Variants in STXBP4 observed in about 807,000 individuals in gnomAD.
The protein encoded by STXBP4 is syntaxin-binding protein 4.
A neutral mutation model predicts 76.1 loss-of-function variants in STXBP4; 55 were observed. That is an observed-to-expected ratio of 0.72 (90% CI 0.58 to 0.91). The LOEUF (loss-of-function observed/expected upper bound fraction) is 0.91. Among genes scored for constraint, STXBP4 ranks in the 40% least tolerant of loss-of-function variants. STXBP4 has a pLI of 0.00. For missense variants in STXBP4, 618 were observed against 636.9 expected (o/e 0.97, Z 0.32); for synonymous variants, 201 against 220.2 (o/e 0.91, Z 0.77).
chr17:55,111,233 T>C (rs2079711085), intron 16 of STXBP4, among the ~76,000 whole-genome samples: 1 of 152,136 alleles, frequency 6.6e-6, no homozygotes, highest in Non-Finnish European at 1.5e-5. Context: ...CAATTACACT[T>C]AGAGTAAGAT....
At chr17:55,000,352 A>G in intron 6 of STXBP4, 1 of 670,600 alleles carries the variant, frequency 1.5e-6, no homozygotes. Context: ...AACATACTCA[A>G]TTACTAACTG....
chr17:55,119,636 T>C (rs916436956), intron 16 of STXBP4, among the ~76,000 whole-genome samples: 1 of 152,030 alleles, frequency 6.6e-6, no homozygotes, highest in Non-Finnish European at 1.5e-5. Context: ...AAAATGAATA[T>C]ATATTTATGT....
intron 16 of STXBP4, among the ~76,000 whole-genome samples, chr17:55,137,137 T>G (rs2080038215): frequency 6.6e-6 from 1 of 152,134 alleles, no homozygotes; most frequent in Non-Finnish European, 1.5e-5. Context: ...CAACTTGCAA[T>G]TGAAGAACAT....
intron 16 of STXBP4, among the ~76,000 whole-genome samples, chr17:55,134,570 G>A (rs1372022890): frequency 6.6e-6 from 1 of 152,078 alleles, no homozygotes; most frequent in Non-Finnish European, 1.5e-5. Flanking sequence ...TTAAAAGTAA[G>A]AAGTTGGGCT....
downstream of STXBP4, among the ~76,000 whole-genome samples, chr17:55,177,422 C>T (rs1013473405): frequency 6.6e-6 from 1 of 152,222 alleles, no homozygotes; most frequent in East Asian, 1.9e-4. Context: ...AGTGAAGGGA[C>T]GTGAACAGGC....
intron 8 of STXBP4, among the ~76,000 whole-genome samples, chr17:55,017,272 G>T (rs191326318): frequency 7.2e-5 from 11 of 151,916 alleles, no homozygotes; most frequent in African/African-American, 2.7e-4. Flanking sequence ...TCTCCTCTCT[G>T]TCTCTTTTCT....
chr17:55,139,406 A>G (rs943226441), intron 16 of STXBP4, among the ~76,000 whole-genome samples: 1 of 152,186 alleles, frequency 6.6e-6, no homozygotes, highest in African/African-American at 2.4e-5. Context: ...TCACATTAGA[A>G]TAACTTCCTA....
At chr17:55,058,265 A>G (rs1329605556) in intron 12 of STXBP4, among the ~76,000 whole-genome samples, 2 of 152,190 alleles carry the variant, frequency 1.3e-5, no homozygotes, top group African/African-American at 2.4e-5. Context: ...ATGAGATGGT[A>G]TCTCATTGTG....
intron 17 of STXBP4, among the ~76,000 whole-genome samples, chr17:55,146,612 G>C (rs146728442): frequency 0.014 from 2,064 of 152,250 alleles, 22 homozygotes; most frequent in Middle Eastern, 0.048. Flanking sequence ...AGCTACTCTG[G>C]AGGCTGAGGC....
intron 17 of STXBP4, among the ~76,000 whole-genome samples, chr17:55,146,726 GAA>G (rs34470146): frequency 1.1e-4 from 16 of 144,274 alleles, no homozygotes; most frequent in African/African-American, 3.0e-4. Flanking sequence ...CAAAAAAAAA[GAA>G]AAAAAAAAAA....
At chr17:55,094,165 G>GAAAAA (rs34886189) in intron 16 of STXBP4, among the ~76,000 whole-genome samples, 1 of 108,236 alleles carries the variant, frequency 9.2e-6, no homozygotes, top group African/African-American at 3.5e-5. Flanking sequence ...TGAGGGACAG[G>GAAAAA]AAAAAAAAAA....
chr17:55,103,429 T>A (rs2079590082), intron 16 of STXBP4, among the ~76,000 whole-genome samples: 1 of 152,168 alleles, frequency 6.6e-6, no homozygotes. Context: ...TTGTCAAAAA[T>A]CAGATGGTTG....
rs996392096 is a variant in STXBP4 at position 54,987,703 on chromosome 17, A to G, written c.47+1437A>G. On this transcript the variant is annotated intron_variant, in intron 3 of 17. Transcript: ENST00000376352. ...TATAAGTCATTTTCTATTTTTTGCCAGAGTATCTTTGGGATAGATTCCTAG... is the reference window on the plus strand; with the variant it reads ...TATAAGTCATTTTCTATTTTTTGCCGGAGTATCTTTGGGATAGATTCCTAG... 2.6e-5 allele frequency among the ~76,000 whole-genome samples: 4 copies of G among 152,340 alleles called. No homozygotes were observed. In the East Asian group the frequency reaches 7.7e-4, roughly 29 times the overall value.
At position 55,164,888 on chromosome 17, in the gene STXBP4, CACTT is replaced by C. The variant is rs2080368600; in HGVS notation, c.*4980_*4983del. Reference sequence around the variant, plus strand: ...TCTTGTATTCATTTACTCACTTACACACTTACCGAGAGCTACTAGAGGCCAGACA... The same window carrying C: ...TCTTGTATTCATTTACTCACTTACACACCGAGAGCTACTAGAGGCCAGACA... On this transcript the variant is annotated 3_prime_UTR_variant, in exon 18 of 18. Transcript: ENST00000376352. 1 of 152,336 alleles carries C rather than the reference CACTT, an allele frequency of 6.6e-6. No individual in the cohort carries two copies. The highest frequency in any genetic ancestry group is 6.5e-5 in the Admixed American group (1 of 15,280). The allele number at this position is 152,336 out of a possible 1,614,324, so 9.4% of individuals were successfully genotyped here.
In STXBP4 at chr17:55,163,275, C is replaced by T. The variant is rs1164108434; in HGVS notation, c.*3364C>T. The T allele has an allele frequency of 6.9e-6, 1 of 144,996 alleles. No homozygotes were observed. The allele number at this position is 144,996 out of a possible 1,614,324, so 9.0% of individuals were successfully genotyped here. A position where few individuals can be genotyped will look rare whatever the true frequency, so the allele number is the denominator to read the frequency against. On this transcript the variant is annotated 3_prime_UTR_variant, in exon 18 of 18. Coordinates refer to ENST00000376352, the MANE Select transcript of STXBP4 (RefSeq NM_178509.6). ...ACCTTCCTTCCACCAAGTCCAAGAACCTGAGATTTTTAATCATTAGGTTTT... is the reference window on the plus strand; with the variant it reads ...ACCTTCCTTCCACCAAGTCCAAGAATCTGAGATTTTTAATCATTAGGTTTT...
At chr17:55,111,856 T>C (rs2079722170) in intron 16 of STXBP4, among the ~76,000 whole-genome samples, 1 of 152,192 alleles carries the variant, frequency 6.6e-6, no homozygotes, top group Non-Finnish European at 1.5e-5. Flanking sequence ...ATGGTATTCC[T>C]TCAGACCTTC....
At chr17:55,031,011 G>A (rs1315479982) in intron 8 of STXBP4, 157 bp from the exon 9 acceptor site, 2 of 539,906 alleles carry the variant, frequency 3.7e-6, no homozygotes, top group Non-Finnish European at 6.6e-6. Flanking sequence ...TCTTCAATAG[G>A]CACTTAATCC....
intron 13 of STXBP4, among the ~76,000 whole-genome samples, chr17:55,076,774 T>C (rs547384434): frequency 5.9e-5 from 9 of 152,280 alleles, no homozygotes; most frequent in African/African-American, 2.2e-4. Context: ...TAATTCAGAT[T>C]GGATGTGTGC....
intron 16 of STXBP4, among the ~76,000 whole-genome samples, chr17:55,131,884 A>G (rs189255408): frequency 6.6e-6 from 1 of 152,142 alleles, no homozygotes; most frequent in African/African-American, 2.4e-5. Flanking sequence ...CACCTCAGCC[A>G]CCTGAGTGTC....
Sources: allele counts gnomAD v4.1 joint callset (sites outside exome capture counted in the v4.1 genomes callset), GRCh38; gene constraint gnomAD v4.1.1; transcripts MANE v1.5; gene names NCBI Gene and HGNC (gene_info 2026-07-23, HGNC 2026-07-21).